CDH12: variants seen among roughly 807,000 people sequenced by gnomAD.
The protein encoded by CDH12 is cadherin 12, also known as cadherin-12.
CDH12 carries 41 observed loss-of-function variants against 74.1 expected under a neutral mutation model. That is an observed-to-expected ratio of 0.55 (90% CI 0.43 to 0.72). The LOEUF is 0.72. Among genes scored for constraint, CDH12 ranks in the 30% least tolerant of loss-of-function variants. The pLI, the probability that CDH12 is intolerant of heterozygous loss-of-function variation, is 0.00. For missense variants in CDH12, 945 were observed against 977.2 expected, an observed-to-expected ratio of 0.97 and a Z score of 0.44; for synonymous variants, 399 against 355.0, an observed-to-expected ratio of 1.12 and a Z score of -1.39.
chr5:21,922,070 T>C (rs1451656739), intron 6 of CDH12, among the ~76,000 whole-genome samples: 2 of 152,154 alleles, frequency 1.3e-5, no homozygotes, highest in Non-Finnish European at 2.9e-5. Flanking sequence ...GGTAGAAACG[T>C]CTCTGTGATT....
intron 3 of CDH12, among the ~76,000 whole-genome samples, chr5:22,223,599 A>G (rs900052896): frequency 6.6e-6 from 1 of 152,036 alleles, no homozygotes; most frequent in Non-Finnish European, 1.5e-5. Flanking sequence ...TACAAAATGC[A>G]TACAGGACTT....
At chr5:22,238,977 C>A (rs1031102655) in intron 3 of CDH12, among the ~76,000 whole-genome samples, 1 of 152,144 alleles carries the variant, frequency 6.6e-6, no homozygotes, top group Non-Finnish European at 1.5e-5. Context: ...ACACATTTTT[C>A]TCCTGGGATC....
At chr5:22,831,840 T>A (rs1736627885) in intron 1 of CDH12, among the ~76,000 whole-genome samples, 1 of 151,876 alleles carries the variant, frequency 6.6e-6, no homozygotes, top group African/African-American at 2.4e-5. Flanking sequence ...GAGGTTACAG[T>A]ATGCCGAGAT....
chr5:22,107,682 T>G (rs897447053), intron 4 of CDH12, among the ~76,000 whole-genome samples: 1 of 151,948 alleles, frequency 6.6e-6, no homozygotes, highest in African/African-American at 2.4e-5. Context: ...AAGTTCATAA[T>G]AAGAAGAAAT....
At chr5:21,833,080 TA>T (rs1174007279) in intron 8 of CDH12, among the ~76,000 whole-genome samples, 2 of 43,088 alleles carry the variant, frequency 4.6e-5, no homozygotes, top group Non-Finnish European at 4.2e-5. Context: ...TAATATATAT[TA>T]TATTATAAAT....
chr5:22,045,558 T>A (rs1739884080), intron 5 of CDH12, among the ~76,000 whole-genome samples: 4 of 115,936 alleles, frequency 3.5e-5, no homozygotes, highest in South Asian at 2.6e-4. Flanking sequence ...AATCAAAGGG[T>A]AAAGAAAATA....
rs183630922 is a variant in CDH12 at position 21,895,843 on chromosome 5, C to T, written c.527-41053G>A. ...TGCATGAGGGTACAGATAGGAAGAT[C>T]CCCCAGGCCTGGAAGCAAACACAGC... On this transcript the variant is annotated intron_variant, in intron 6 of 14. Coordinates refer to ENST00000382254, the MANE Select transcript of CDH12 (RefSeq NM_004061.5). Among the ~76,000 whole-genome samples the T allele has an allele frequency of 7.9e-5, 12 of 152,230 alleles. No individual in the cohort carries two copies. In the South Asian group the frequency reaches 1.0e-3, roughly 13 times the overall value.
intron 3 of CDH12, among the ~76,000 whole-genome samples, chr5:22,262,342 C>T (rs1217962075): frequency 6.9e-6 from 1 of 145,546 alleles, no homozygotes; most frequent in Non-Finnish European, 1.5e-5. Context: ...TTGTTCAATT[C>T]CCACCTATGA....
chr5:22,683,022 AT>A (rs145474394), intron 1 of CDH12, among the ~76,000 whole-genome samples: 2,059 of 152,172 alleles, frequency 0.014, 36 homozygotes, highest in African/African-American at 0.045. Flanking sequence ...ACTGTAATGA[AT>A]TTTTTATTAT....
chr5:22,522,209 G>A (rs191752016), intron 1 of CDH12, among the ~76,000 whole-genome samples: 1 of 152,258 alleles, frequency 6.6e-6, no homozygotes, highest in East Asian at 1.9e-4. Context: ...TGGTATTAAT[G>A]CACATATTAT....
At chr5:22,847,254 G>A (rs974130389) in intron 1 of CDH12, among the ~76,000 whole-genome samples, 1 of 152,152 alleles carries the variant, frequency 6.6e-6, no homozygotes, top group African/African-American at 2.4e-5. Context: ...CCAAGAGCTT[G>A]TTTTGCACTT....
At chr5:22,334,404 C>G (rs1739481573) in intron 3 of CDH12, among the ~76,000 whole-genome samples, 1 of 151,414 alleles carries the variant, frequency 6.6e-6, no homozygotes, top group Non-Finnish European at 1.5e-5. Context: ...TTGGAAGAAC[C>G]AATATTGTTA....
At chr5:21,930,950 G>GA (rs1273232752) in intron 6 of CDH12, among the ~76,000 whole-genome samples, 1 of 152,028 alleles carries the variant, frequency 6.6e-6, no homozygotes, top group East Asian at 1.9e-4. Flanking sequence ...AACCTAAAAG[G>GA]GATTTTGGAA....
intron 3 of CDH12, among the ~76,000 whole-genome samples, chr5:22,385,668 T>G (rs578196992): frequency 2.6e-5 from 4 of 152,200 alleles, no homozygotes; most frequent in African/African-American, 9.6e-5. Context: ...CCAGACGGCC[T>G]GTATTTTTAG....
intron 3 of CDH12, among the ~76,000 whole-genome samples, chr5:22,340,570 C>T (rs371600296): frequency 6.6e-6 from 1 of 151,362 alleles, no homozygotes; most frequent in Non-Finnish European, 1.5e-5. Flanking sequence ...GTGATTTTGA[C>T]AACTAGAAAA....
At chr5:22,494,505 C>T (rs1747022852) in intron 2 of CDH12, among the ~76,000 whole-genome samples, 1 of 152,238 alleles carries the variant, frequency 6.6e-6, no homozygotes, top group South Asian at 2.1e-4. Flanking sequence ...ATACAACTCA[C>T]ATGTATTTCA....
chr5:22,648,874 C>T (rs1324420445), intron 1 of CDH12, among the ~76,000 whole-genome samples: 1 of 151,764 alleles, frequency 6.6e-6, no homozygotes, highest in African/African-American at 2.4e-5. Flanking sequence ...AATTATTTTT[C>T]TTGCCAATTA....
chr5:22,665,215 T>G (rs529780298), intron 1 of CDH12, among the ~76,000 whole-genome samples: 119 of 152,280 alleles, frequency 7.8e-4, no homozygotes, highest in African/African-American at 2.6e-3. Context: ...CATCACCATC[T>G]TCTACCAGCA....
intron 4 of CDH12, among the ~76,000 whole-genome samples, chr5:22,191,161 T>C (rs923974402): frequency 4.8e-4 from 73 of 152,170 alleles, no homozygotes; most frequent in African/African-American, 1.6e-3. Flanking sequence ...GACGCTTCCC[T>C]TTGCCTAGAA....
Sources: allele counts gnomAD v4.1 joint callset (sites outside exome capture counted in the v4.1 genomes callset), GRCh38; gene constraint gnomAD v4.1.1; transcripts MANE v1.5; gene names NCBI Gene and HGNC (gene_info 2026-07-23, HGNC 2026-07-21).